The following EFL1 variants were observed in gnomAD, a reference collection of about 807,000 sequenced individuals.
EFL1 encodes the protein elongation factor-like GTPase 1.
A neutral mutation model predicts 126.7 loss-of-function variants in EFL1; 76 were observed. The ratio of observed to expected loss-of-function variants is 0.60; its 90% CI spans 0.50 to 0.73. EFL1 has a LOEUF of 0.73. Ranked by LOEUF, EFL1 falls within the 30% of genes least tolerant of loss-of-function variation. The probability of loss-of-function intolerance (pLI) is 0.00; values close to 1 mark genes in which losing one functional copy is unlikely to be tolerated. For synonymous variants in EFL1, 410 were observed against 448.4 expected (o/e 0.91, Z 1.08); for missense variants, 1,128 against 1,343.2 (o/e 0.84, Z 2.50).
At chr15:82,228,052 T>A in intron 10 of EFL1, 139 bp downstream of exon 10, 1 of 1,081,282 alleles carries the variant, frequency 9.2e-7, no homozygotes, top group Non-Finnish European at 1.3e-6. Context: ...TACAGTTTCA[T>A]GGTAGAACAC....
chr15:82,229,333 G>A (rs1478721459), intron 8 of EFL1, among the ~76,000 whole-genome samples: 1 of 152,122 alleles, frequency 6.6e-6, no homozygotes, highest in African/African-American at 2.4e-5. Context: ...GACTTTACAA[G>A]TGATATGACC....
chr15:82,228,135 G>A (rs763056454), intron 10 of EFL1, 56 bp downstream of exon 10: 72 of 1,539,750 alleles, frequency 4.7e-5, no homozygotes, highest in Non-Finnish European at 6.0e-5. Flanking sequence ...ATAACGCATT[G>A]TTTTTTCTAG....
In EFL1 at chr15:82,257,888, ATTTCC is replaced by A. The variant is rs1239732792; in HGVS notation, c.159+1195_159+1199del. Among the ~76,000 whole-genome samples, 12 of 152,280 alleles carry A rather than the reference ATTTCC, an allele frequency of 7.9e-5. No individual in the cohort carries two copies. The East Asian group carries it at 2.1e-3, about 27-fold the overall frequency. On this transcript the variant is annotated intron_variant, in intron 3 of 19. Transcript: ENST00000268206. ...CTATTTCATTAATTTATGCTTTACT[ATTTCC>A]TTTCATCTACTTACTTCAGTTTTGT...
At chr15:82,152,502 A>G (rs762387527) in intron 17 of EFL1, 79 bp from the exon 18 acceptor site, 22 of 1,203,482 alleles carry the variant, frequency 1.8e-5, no homozygotes, top group Non-Finnish European at 2.5e-5. Context: ...ATTACTACAC[A>G]GTGGAGATTC....
chr15:82,214,855 C>T lies in EFL1; in HGVS notation c.1612G>A (p.Val538Ile). The T allele has an allele frequency of 1.9e-6, 3 of 1,588,756 alleles. No individual in the cohort carries two copies. The highest frequency in any genetic ancestry group is 1.7e-6 in the Non-Finnish European group (2 of 1,172,046). Reference protein sequence around the residue: ...KYSPLEFLRRVPLGFSAPPDG... With the variant: ...KYSPLEFLRRIPLGFSAPPDG... Reference sequence around the variant, plus strand: ...GGTGGAGCTGAGAAGCCTAATGGTACCTGGGCAAAGAAAAATGATGGAAGA... The same window carrying T: ...GGTGGAGCTGAGAAGCCTAATGGTATCTGGGCAAAGAAAAATGATGGAAGA... The change falls in exon 15 of 20, where the codon GTA becomes ATA. Residue 538 changes from valine to isoleucine, a missense_variant and splice_region_variant. By Grantham distance (29) the Val-to-Ile change is conservative. Coordinates refer to ENST00000268206, the MANE Select transcript of EFL1 (RefSeq NM_024580.6).
intron 3 of EFL1, among the ~76,000 whole-genome samples, chr15:82,257,063 T>A (rs1356373360): frequency 6.6e-6 from 1 of 152,222 alleles, no homozygotes; most frequent in Non-Finnish European, 1.5e-5. Context: ...CTTTGAATGT[T>A]TGGCAGAACT....
intron 7 of EFL1, 140 bp from the exon 8 acceptor site, chr15:82,231,111 G>A: frequency 2.0e-6 from 2 of 1,017,932 alleles, no homozygotes; most frequent in South Asian, 1.7e-5. Flanking sequence ...ACAGAAAAGG[G>A]TAATGAAGCA....
In EFL1 at chr15:82,155,680, A is replaced by G. The variant is rs80225731; in HGVS notation, c.2030+2033T>C. 6.7e-3 allele frequency among the ~76,000 whole-genome samples: 1,020 copies of G among 152,326 alleles called. 11 individuals are homozygous for G. The highest frequency in any genetic ancestry group is 0.023 in the African/African-American group (953 of 41,580). ...ATCATATTCCAAAATAGTTGTACCA[A>G]TTGATATCCCCACTAGTTGTGTGGG... On this transcript the variant is annotated intron_variant, in intron 17 of 19. Transcript: ENST00000268206.
At chr15:82,238,555 C>T in intron 6 of EFL1, 34 bp from the exon 7 acceptor site, 1 of 1,512,362 alleles carries the variant, frequency 6.6e-7, no homozygotes, top group Non-Finnish European at 9.1e-7. Flanking sequence ...GAGCGTCATT[C>T]AGATGCTCAG....
chr15:82,230,989 G>T lies in EFL1; in HGVS notation c.732-18C>A. ...GCTCAATTCTGAAAGAAGACCAAAT[G>T]TTCATGTTATTAATAACAACGATTA... On this transcript the variant is annotated intron_variant, in intron 7 of 19. Transcript: ENST00000268206. 1 of 1,606,658 alleles carries T rather than the reference G, an allele frequency of 6.2e-7. No individual in the cohort carries two copies. The highest frequency in any genetic ancestry group is 1.3e-5 in the African/African-American group (1 of 74,468).
chr15:82,132,560 C>T lies in EFL1; in HGVS notation c.3175-1999G>A, dbSNP rs1360190148. Among the ~76,000 whole-genome samples the T allele has an allele frequency of 1.3e-5, 2 of 151,370 alleles. 1 individual carries two copies. Among genetic ancestry groups the T allele is most frequent in the Middle Eastern group, 6.3e-3 (2 of 316 alleles). On this transcript the variant is annotated intron_variant, in intron 19 of 19. Transcript: ENST00000268206. ...TGAGAGCAGCCAGGGGGCACAGAGG[C>T]ATTATCAGCACTAGAGTAATAACTC...
chr15:82,212,964 G>T (rs1216410604), intron 15 of EFL1, among the ~76,000 whole-genome samples: 1 of 152,116 alleles, frequency 6.6e-6, no homozygotes, highest in Non-Finnish European at 1.5e-5. Context: ...GAGATATAAG[G>T]CCATCTTGCT....
chr15:82,168,626 T>C (rs1277735491), intron 15 of EFL1, among the ~76,000 whole-genome samples: 1 of 152,108 alleles, frequency 6.6e-6, no homozygotes, highest in South Asian at 2.1e-4. Flanking sequence ...GATTCTCCCA[T>C]CTCAGCCTCC....
intron 15 of EFL1, among the ~76,000 whole-genome samples, chr15:82,211,182 G>A (rs1218795881): frequency 2.6e-5 from 4 of 151,780 alleles, no homozygotes; most frequent in African/African-American, 7.3e-5. Flanking sequence ...TTTATTACCT[G>A]TGGCTGCCAG....
At chr15:82,206,313 T>C (rs1234465132) in intron 15 of EFL1, among the ~76,000 whole-genome samples, 2 of 152,088 alleles carry the variant, frequency 1.3e-5, no homozygotes, top group Non-Finnish European at 2.9e-5. Context: ...AATTGTAGTA[T>C]ATAAAGAATG....
intron 7 of EFL1, among the ~76,000 whole-genome samples, chr15:82,234,407 T>C (rs1424940484): frequency 1.3e-5 from 2 of 152,204 alleles, no homozygotes; most frequent in Non-Finnish European, 2.9e-5. Context: ...CCATCAACCA[T>C]ATATGAAAAG....
chr15:82,232,477 G>A (rs1267144033), intron 7 of EFL1, among the ~76,000 whole-genome samples: 2 of 151,784 alleles, frequency 1.3e-5, no homozygotes, highest in East Asian at 1.9e-4. Context: ...TGTGAAAATC[G>A]CCCCCAAACC....
intron 2 of EFL1, among the ~76,000 whole-genome samples, chr15:82,260,983 T>C (rs1441302611): frequency 1.3e-5 from 2 of 152,252 alleles, no homozygotes; most frequent in East Asian, 3.8e-4. Context: ...GCAGTATCTG[T>C]CAGAAGAACA....
chr15:82,132,949 C>G (rs1209875968), intron 19 of EFL1, among the ~76,000 whole-genome samples: 1 of 152,002 alleles, frequency 6.6e-6, no homozygotes, highest in Non-Finnish European at 1.5e-5. Context: ...AACACGATAC[C>G]AGTAGGGCTG....
Sources: allele counts gnomAD v4.1 joint callset (sites outside exome capture counted in the v4.1 genomes callset), GRCh38; gene constraint gnomAD v4.1.1; transcripts MANE v1.5; gene names NCBI Gene and HGNC (gene_info 2026-07-23, HGNC 2026-07-21).